Variants in LARS2 observed in about 807,000 individuals in gnomAD.
LARS2 encodes the protein leucine--tRNA ligase, mitochondrial.
LARS2 carries 81 observed loss-of-function variants against 116.6 expected under a neutral mutation model. The ratio of observed to expected loss-of-function variants is 0.69; its 90% confidence interval spans 0.58 to 0.84. The LOEUF (loss-of-function observed/expected upper bound fraction) is 0.84, where lower values mean the gene tolerates loss of function less well. LARS2 is among the 40% of genes least tolerant of loss of function. LARS2 has a pLI of 0.00. For missense variants in LARS2, 968 were observed against 1,114.5 expected, an observed-to-expected ratio of 0.87 and a Z score of 1.87; for synonymous variants, 396 against 407.2, an observed-to-expected ratio of 0.97 and a Z score of 0.33.
intron 4 of LARS2, among the ~76,000 whole-genome samples, chr3:45,402,663 A>C (rs13084381): frequency 0.11 from 16,814 of 152,280 alleles, 1,073 homozygotes; most frequent in Middle Eastern, 0.17. Flanking sequence ...TGTCTTTGTC[A>C]CTTGAAGAGT....
At position 45,401,984 on chromosome 3, in the gene LARS2, A is replaced by G. The variant is rs147945928; in HGVS notation, c.363+1611A>G. Among the ~76,000 whole-genome samples the G allele has an allele frequency of 4.6e-5, 7 of 152,244 alleles. No homozygotes were observed. In the East Asian group the frequency reaches 9.6e-4, roughly 21 times the overall value. On this transcript the variant is annotated intron_variant, in intron 4 of 21. Coordinates refer to ENST00000645846, the MANE Select transcript of LARS2 (RefSeq NM_015340.4). ...TTAAGATGGGTGTTGGATAATCATA[A>G]TATCTTCTTTATCCACCTACGAAAT...
At chr3:45,443,647 G>A (rs1462169308) in intron 6 of LARS2, among the ~76,000 whole-genome samples, 1 of 152,158 alleles carries the variant, frequency 6.6e-6, no homozygotes, top group African/African-American at 2.4e-5. Context: ...CCTCCTCTGG[G>A]CAGGTGAGTC....
At chr3:45,474,843 G>T (rs1183456013) in intron 9 of LARS2, among the ~76,000 whole-genome samples, 1 of 152,086 alleles carries the variant, frequency 6.6e-6, no homozygotes, top group Non-Finnish European at 1.5e-5. Context: ...TCTCAAAGGG[G>T]TTCATGTCAC....
At chr3:45,538,190 C>A (rs1575321057) in intron 20 of LARS2, among the ~76,000 whole-genome samples, 1 of 152,240 alleles carries the variant, frequency 6.6e-6, no homozygotes, top group Non-Finnish European at 1.5e-5. Context: ...GGCCCCACTC[C>A]CATCTATATG....
intron 13 of LARS2, 124 bp downstream of exon 13, chr3:45,491,924 G>T (rs1226504044): frequency 6.4e-6 from 6 of 937,518 alleles, no homozygotes; most frequent in East Asian, 2.6e-5. Flanking sequence ...CATGAGGCTG[G>T]AAAGAACACT....
intron 18 of LARS2, among the ~76,000 whole-genome samples, chr3:45,518,359 TC>T (rs1241007410): frequency 6.6e-6 from 1 of 152,192 alleles, no homozygotes; most frequent in East Asian, 1.9e-4. Flanking sequence ...GCTGCCACTT[TC>T]CATGTTTCCA....
intron 4 of LARS2, among the ~76,000 whole-genome samples, chr3:45,405,726 C>T (rs535638368): frequency 2.0e-5 from 3 of 152,204 alleles, no homozygotes; most frequent in African/African-American, 4.8e-5. Flanking sequence ...ATAAACAATC[C>T]CCAAATCTCA....
chr3:45,534,977 G>C (rs543085123), intron 20 of LARS2, among the ~76,000 whole-genome samples: 1 of 152,084 alleles, frequency 6.6e-6, no homozygotes, highest in Non-Finnish European at 1.5e-5. Flanking sequence ...GCTTGCCTAG[G>C]GAAATTTTGA....
intron 5 of LARS2, among the ~76,000 whole-genome samples, chr3:45,417,934 C>A (rs1251729503): frequency 6.6e-6 from 1 of 152,158 alleles, no homozygotes; most frequent in East Asian, 1.9e-4. Context: ...TTTACTATAT[C>A]CGAATACTAC....
chr3:45,455,614 C>T (rs1699201165), intron 7 of LARS2, among the ~76,000 whole-genome samples: 1 of 151,978 alleles, frequency 6.6e-6, no homozygotes, highest in Admixed American at 6.6e-5. Context: ...AATGGAACTA[C>T]CATATGATCC....
chr3:45,450,039 C>T (rs569884093), intron 7 of LARS2, among the ~76,000 whole-genome samples: 1 of 152,252 alleles, frequency 6.6e-6, no homozygotes, highest in Non-Finnish European at 1.5e-5. Context: ...TTTTGAAAAA[C>T]ATTTTCTTAA....
intron 8 of LARS2, among the ~76,000 whole-genome samples, chr3:45,467,780 C>T (rs761760889): frequency 2.0e-5 from 3 of 152,160 alleles, no homozygotes; most frequent in East Asian, 1.9e-4. Flanking sequence ...TAATTTTCTT[C>T]TCTTCCAAAT....
At chr3:45,515,747 G>T in intron 16 of LARS2, among the ~76,000 whole-genome samples, 1 of 152,302 alleles carries the variant, frequency 6.6e-6, no homozygotes, top group East Asian at 1.9e-4. Flanking sequence ...AAATGGCAAC[G>T]TGTGCGAGTT....
In LARS2 at chr3:45,517,903, C is replaced by A; in HGVS notation, c.2045C>A (p.Thr682Asn). ...PEKDILWDVK[T>N]DALPGVLRWQ... ...TCTCATTTACTGATGCTGAATTCAG[C>A]TGATGCTCTCCCTGGGGTGCTGAGA... The change falls in exon 18 of 22, where the codon ACT becomes AAT. Residue 682 changes from threonine to asparagine, a missense_variant and splice_region_variant. Coordinates refer to ENST00000645846, the MANE Select transcript of LARS2 (RefSeq NM_015340.4). The A allele has an allele frequency of 6.2e-7, 1 of 1,610,572 alleles. No homozygotes were observed. Among genetic ancestry groups the A allele is most frequent in the South Asian group, 1.1e-5 (1 of 90,576 alleles).
chr3:45,465,676 G>A (rs1699411478), intron 8 of LARS2, among the ~76,000 whole-genome samples: 1 of 152,226 alleles, frequency 6.6e-6, no homozygotes, highest in Non-Finnish European at 1.5e-5. Context: ...GGTTGGTACA[G>A]GGCTGGGCCT....
At chr3:45,493,502 T>C (rs1699959858) in intron 13 of LARS2, among the ~76,000 whole-genome samples, 1 of 152,164 alleles carries the variant, frequency 6.6e-6, no homozygotes. Flanking sequence ...GCCCACCAGA[T>C]GTGGATTCCT....
chr3:45,518,436 AT>A (rs1440795491), intron 18 of LARS2, among the ~76,000 whole-genome samples: 1 of 152,206 alleles, frequency 6.6e-6, no homozygotes, highest in Non-Finnish European at 1.5e-5. Flanking sequence ...GACACCGCAT[AT>A]GTTACATTAA....
At chr3:45,509,180 C>T (rs1037146167) in intron 15 of LARS2, among the ~76,000 whole-genome samples, 7 of 152,040 alleles carry the variant, frequency 4.6e-5, no homozygotes, top group Admixed American at 2.0e-4. Context: ...GTTTGATGGT[C>T]CCTGAGTCAG....
intron 8 of LARS2, among the ~76,000 whole-genome samples, chr3:45,469,281 T>C (rs545128659): frequency 2.0e-5 from 3 of 152,312 alleles, no homozygotes; most frequent in African/African-American, 7.2e-5. Context: ...GGCTTTACTA[T>C]ATTTATGTAT....
Sources: gnomAD v4.1 joint callset for allele counts (sites outside exome capture counted in the v4.1 genomes callset) on GRCh38, gnomAD v4.1.1 for gene constraint, MANE v1.5 for transcripts, NCBI Gene and HGNC (gene_info 2026-07-23, HGNC 2026-07-21) for gene names.